Variants in ATP2C2 observed in about 807,000 individuals in gnomAD.
ATP2C2 encodes the protein calcium-transporting ATPase type 2C member 2.
A neutral mutation model predicts 110.8 loss-of-function variants in ATP2C2; 171 were observed. The ratio of observed to expected loss-of-function variants is 1.54; its 90% CI spans 1.36 to 1.75. The LOEUF is 1.75. Ranked by LOEUF, ATP2C2 falls within the 40% of genes most tolerant of loss-of-function variation. The probability of loss-of-function intolerance (pLI) is 0.00; values close to 1 mark genes in which losing one functional copy is unlikely to be tolerated. For synonymous variants in ATP2C2, 804 were observed against 508.4 expected, an observed-to-expected ratio of 1.58 and a Z score of -7.82; for missense variants, 1,963 against 1,235.0, an observed-to-expected ratio of 1.59 and a Z score of -8.84.
At chr16:84,440,357 G>C (rs914933809) in intron 13 of ATP2C2, among the ~76,000 whole-genome samples, 7 of 152,192 alleles carry the variant, frequency 4.6e-5, no homozygotes, top group African/African-American at 9.6e-5. Context: ...CTACAAAACT[G>C]GCCAAACCAA....
rs569017029 is a variant in ATP2C2, at chr16:84,421,757, T to C, written c.625-633T>C. On this transcript the variant is annotated intron_variant, in intron 7 of 26. Transcript: ENST00000262429. The stretch of plus-strand genomic sequence containing the variant: ...AGCTACGGAAACTTGAACAAATTAC[T>C]TAATTCTTCCATGCTTCAGTTTCCC... Among the ~76,000 whole-genome samples, 3 of 152,342 alleles carry C rather than the reference T, an allele frequency of 2.0e-5. No homozygotes were observed. In the East Asian group the frequency reaches 5.8e-4, roughly 29 times the overall value.
intron 11 of ATP2C2, among the ~76,000 whole-genome samples, chr16:84,427,806 T>TGACTC (rs1404114619): frequency 6.6e-6 from 1 of 152,148 alleles, no homozygotes; most frequent in Non-Finnish European, 1.5e-5. Flanking sequence ...GAGTGTGTAG[T>TGACTC]GACTCCTAAC....
intron 7 of ATP2C2, among the ~76,000 whole-genome samples, chr16:84,416,131 G>A (rs567795826): frequency 1.4e-4 from 21 of 152,296 alleles, no homozygotes; most frequent in Middle Eastern, 3.4e-3. Flanking sequence ...CCGAGACCAC[G>A]CCACTGCACT....
At chr16:84,415,401 A>G (rs1051574324) in intron 6 of ATP2C2, 82 bp from the exon 7 acceptor site, 7 of 1,170,120 alleles carry the variant, frequency 6.0e-6, no homozygotes, top group African/African-American at 4.5e-5. Flanking sequence ...GTGTGTTTCT[A>G]TTCTCCTTGT....
At chr16:84,452,539 C>A (rs960195934) in intron 18 of ATP2C2, among the ~76,000 whole-genome samples, 3 of 131,560 alleles carry the variant, frequency 2.3e-5, no homozygotes, top group African/African-American at 8.6e-5. Context: ...TGTTCTGTTG[C>A]CTGGGCTGGA....
rs752524460 is a variant in ATP2C2 at position 84,454,985 on chromosome 16, G to A, written c.2147+1G>A. The A allele has an allele frequency of 6.2e-7, 1 of 1,611,150 alleles. No homozygotes were observed. Among genetic ancestry groups the A allele is most frequent in the Non-Finnish European group, 8.5e-7 (1 of 1,178,634 alleles). On this transcript the variant is annotated splice_donor_variant, in intron 21 of 26. Coordinates refer to ENST00000262429, the MANE Select transcript of ATP2C2 (RefSeq NM_014861.4). LOFTEE classifies it high-confidence loss of function. ...TGGATGATGACTTCTCAGCCATCAT[G>A]TAAGCTGCCCTTCTGGTTGTTTTTC...
chr16:84,442,528 A>G lies in ATP2C2; in HGVS notation c.1330A>G (p.Asn444Asp), dbSNP rs761064727. 11 of 1,613,940 alleles carry G rather than the reference A, an allele frequency of 6.8e-6. No individual in the cohort carries two copies. In the Admixed American group the frequency reaches 1.7e-4, roughly 24 times the overall value. Residue 444 changes from asparagine to aspartate, a missense_variant, in exon 15 of 27, where the codon AAT becomes GAT. By Grantham distance (23) the Asn-to-Asp change is conservative. Coordinates refer to ENST00000262429, the MANE Select transcript of ATP2C2 (RefSeq NM_014861.4). Reference sequence around the variant, plus strand: ...CTTTTAGGCGGGCTGTGTTGCCAACAATGCGGTCATCAGAAAGAACGCCGT... The same window carrying G: ...CTTTTAGGCGGGCTGTGTTGCCAACGATGCGGTCATCAGAAAGAACGCCGT... ...KLVEAGCVAN[N>D]AVIRKNAVMG...
rs567811842 is a variant in ATP2C2, at chr16:84,432,812, C to T, written c.987-6354C>T. On this transcript the variant is annotated intron_variant, in intron 11 of 26. Coordinates refer to ENST00000262429, the MANE Select transcript of ATP2C2 (RefSeq NM_014861.4). ...CTGGGATTACAGGTGTGAGCCACTG[C>T]GCCTGGCTGAGACTCATATTTCTAA... Among the ~76,000 whole-genome samples, 30 of 152,178 alleles carry T rather than the reference C, an allele frequency of 2.0e-4. No homozygotes were observed. The South Asian group carries it at 3.5e-3, about 18-fold the overall frequency.
intron 16 of ATP2C2, among the ~76,000 whole-genome samples, chr16:84,446,948 G>A (rs1056219883): frequency 7.9e-5 from 12 of 152,186 alleles, no homozygotes; most frequent in Admixed American, 2.0e-4. Flanking sequence ...TACGGAAGGC[G>A]TGTCTGTGTG....
intron 10 of ATP2C2, among the ~76,000 whole-genome samples, chr16:84,424,599 T>A (rs56190553): frequency 0.12 from 16,023 of 131,174 alleles, 1,411 homozygotes; most frequent in Non-Finnish European, 0.17. Context: ...TTTTTTTTTT[T>A]AACATTTTGG....
chr16:84,396,157 A>G (rs1219983764), intron 1 of ATP2C2, among the ~76,000 whole-genome samples: 13 of 152,104 alleles, frequency 8.5e-5, no homozygotes, highest in Admixed American at 8.5e-4. Flanking sequence ...GGGCAGTCAC[A>G]TTGAAGGTAA....
chr16:84,408,625 A>G lies in ATP2C2; in HGVS notation c.417+131A>G, dbSNP rs888675594. The G allele has an allele frequency of 1.4e-5, 10 of 699,870 alleles. No homozygotes were observed. The African/African-American group carries it at 1.6e-4, about 11-fold the overall frequency. 43.4% of individuals were successfully genotyped at this position (699,870 alleles called of 1,614,324 possible). On this transcript the variant is annotated intron_variant, in intron 4 of 26. Transcript: ENST00000262429. ...AAAAAGGAGCATACAGAAGAAAGAA[A>G]GGAAAGCAAATCCACATCCTTCTTT... is the stretch of plus-strand genomic sequence containing the variant.
At position 84,397,655 on chromosome 16, in the gene ATP2C2, CA is replaced by C. The variant is rs58934576; in HGVS notation, c.100-826del. Reference sequence around the variant, plus strand: ...CACCACTGCACTCCAGCCTGGGTGACAAAAAAAAAAAAAAAAAACTTGCTTA... The same window carrying C: ...CACCACTGCACTCCAGCCTGGGTGACAAAAAAAAAAAAAAAAACTTGCTTA... On this transcript the variant is annotated intron_variant, in intron 1 of 26. Coordinates refer to ENST00000262429, the MANE Select transcript of ATP2C2 (RefSeq NM_014861.4). Among the ~76,000 whole-genome samples, 156 of 63,500 alleles carry C rather than the reference CA, an allele frequency of 2.5e-3. 19 individuals are homozygous for C. The South Asian group carries it at 0.088, about 36-fold the overall frequency. The allele number at this position is 63,500 out of a possible 152,430, so 41.7% of individuals were successfully genotyped here.
intron 2 of ATP2C2, among the ~76,000 whole-genome samples, chr16:84,400,664 C>G (rs930471311): frequency 1.3e-5 from 2 of 152,162 alleles, no homozygotes; most frequent in African/African-American, 4.8e-5. Context: ...AAACTGTTCA[C>G]CAGTCATACT....
chr16:84,460,946 G>C (rs116314493), intron 24 of ATP2C2, 145 bp downstream of exon 24: 25 of 1,212,624 alleles, frequency 2.1e-5, no homozygotes, highest in Non-Finnish European at 2.6e-5. Context: ...CATCAGAGGC[G>C]TGGGGTGCAT....
At position 84,459,283 on chromosome 16, in the gene ATP2C2, CT is replaced by C. The variant is rs775936317; in HGVS notation, c.2231del (p.Leu744ArgfsTer38). 15 of 1,614,106 alleles carry C rather than the reference CT, an allele frequency of 9.3e-6. No individual in the cohort carries two copies. In the Admixed American group the frequency reaches 1.2e-4, roughly 13 times the overall value. ...RFQLSTSISA[L>X]SLITLSTVFN... ...TGTGCCCCGCAGGAGCATCTCCGCC[CT>C]GAGTCTCATCACTCTGTCCACCGTG... On this transcript the variant is annotated frameshift_variant, in exon 23 of 27. Coordinates refer to ENST00000262429, the MANE Select transcript of ATP2C2 (RefSeq NM_014861.4). LOFTEE classifies it high-confidence loss of function.
At chr16:84,394,002 C>CAAAAAAA (rs202138049) in intron 1 of ATP2C2, among the ~76,000 whole-genome samples, 22 of 117,456 alleles carry the variant, frequency 1.9e-4, no homozygotes, top group South Asian at 2.9e-4. Flanking sequence ...TTAAAAATAC[C>CAAAAAAA]AAAAAAAATA....
chr16:84,394,599 G>T (rs1904859445), intron 1 of ATP2C2, among the ~76,000 whole-genome samples: 1 of 152,134 alleles, frequency 6.6e-6, no homozygotes, highest in African/African-American at 2.4e-5. Context: ...CTAGAAGCCA[G>T]AAGTCAAAAC....
rs1316064038 is a variant in ATP2C2 at position 84,405,252 on chromosome 16, C to T, written c.327+8C>T. 6.2e-7 allele frequency: 1 copy of T among 1,603,280 alleles called. No individual in the cohort carries two copies. The highest frequency in any genetic ancestry group is 8.5e-7 in the Non-Finnish European group (1 of 1,171,290). ...AAGAAATACCTGGATCAGGTAGGACCAGAGGTGTCATTCTTTGCATTAACA... is the reference window on the plus strand; with the variant it reads ...AAGAAATACCTGGATCAGGTAGGACTAGAGGTGTCATTCTTTGCATTAACA... On this transcript the variant is annotated splice_region_variant and intron_variant, in intron 3 of 26. Coordinates refer to ENST00000262429, the MANE Select transcript of ATP2C2 (RefSeq NM_014861.4).
Sources: gnomAD v4.1 joint callset for allele counts (sites outside exome capture counted in the v4.1 genomes callset) on GRCh38, gnomAD v4.1.1 for gene constraint, MANE v1.5 for transcripts, NCBI Gene and HGNC (gene_info 2026-07-23, HGNC 2026-07-21) for gene names.